SNTG1: variants seen among roughly 807,000 people sequenced by gnomAD.
The protein encoded by SNTG1 is gamma-1-syntrophin.
SNTG1 carries 39 observed loss-of-function variants against 74.7 expected under a neutral mutation model. That is an observed-to-expected ratio of 0.52 (90% CI 0.40 to 0.68). The LOEUF is 0.68. Among genes scored for constraint, SNTG1 ranks in the 30% least tolerant of loss-of-function variants. The probability of loss-of-function intolerance (pLI) is 0.00; values close to 1 mark genes in which losing one functional copy is unlikely to be tolerated. For synonymous variants in SNTG1, 254 were observed against 217.1 expected (o/e 1.17, Z -1.49); for missense variants, 685 against 609.5 (o/e 1.12, Z -1.30).
Position 50,053,677 on chromosome 8 carries a change from C to T in SNTG1, c.-102-118884C>T, listed in dbSNP as rs1586068323. 4.9e-5 allele frequency among the ~76,000 whole-genome samples: 6 copies of T among 121,704 alleles called. 1 individual carries two copies. The South Asian group carries it at 1.6e-3, about 33-fold the overall frequency. The allele number at this position is 121,704 out of a possible 152,430, so 79.8% of individuals were successfully genotyped here. On this transcript the variant is annotated intron_variant, in intron 1 of 18. Transcript: ENST00000642720. ...TGTGTGTATAATCCAGGATAGTATC[C>T]TGGATAGAATCCTGGATTGTTTAAG...
intron 17 of SNTG1, among the ~76,000 whole-genome samples, chr8:50,750,408 T>G (rs951753221): frequency 4.6e-5 from 7 of 152,014 alleles, no homozygotes. Flanking sequence ...GAATATTACA[T>G]TAATTTAGTT....
chr8:50,404,188 A>G (rs2092840963), intron 4 of SNTG1, among the ~76,000 whole-genome samples: 1 of 152,280 alleles, frequency 6.6e-6, no homozygotes, highest in East Asian at 1.9e-4. Context: ...TAAGTCAGAA[A>G]GACAATACAC....
At chr8:50,028,326 T>A (rs1022412150) in intron 1 of SNTG1, among the ~76,000 whole-genome samples, 3 of 152,136 alleles carry the variant, frequency 2.0e-5, no homozygotes, top group African/African-American at 7.2e-5. Context: ...TATTTCATGG[T>A]ATGGATGGTT....
intron 2 of SNTG1, among the ~76,000 whole-genome samples, chr8:50,343,819 A>G (rs2130952340): frequency 6.6e-6 from 1 of 152,382 alleles, no homozygotes; most frequent in East Asian, 1.9e-4. Flanking sequence ...ATAACTCAGA[A>G]AAAATGAGAT....
chr8:50,404,627 T>TC (rs2092848290), intron 4 of SNTG1, among the ~76,000 whole-genome samples: 1 of 129,218 alleles, frequency 7.7e-6, no homozygotes, highest in Non-Finnish European at 1.8e-5. Context: ...GTCAGTTAAG[T>TC]TTTTTTTTTT....
chr8:50,068,582 A>G (rs1821093448), intron 1 of SNTG1, among the ~76,000 whole-genome samples: 1 of 152,188 alleles, frequency 6.6e-6, no homozygotes, highest in Non-Finnish European at 1.5e-5. Flanking sequence ...TAGGTTTTCC[A>G]GTCGCATGGA....
chr8:50,786,896 T>G (rs941613476), intron 18 of SNTG1, among the ~76,000 whole-genome samples: 1 of 151,662 alleles, frequency 6.6e-6, no homozygotes, highest in African/African-American at 2.4e-5. Context: ...GAAGAAAACA[T>G]GGGATTAAAT....
At chr8:50,289,338 C>A (rs2088961050) in intron 2 of SNTG1, among the ~76,000 whole-genome samples, 1 of 152,132 alleles carries the variant, frequency 6.6e-6, no homozygotes, top group Non-Finnish European at 1.5e-5. Context: ...AATGCACAGA[C>A]TTAGGACAAA....
intron 1 of SNTG1, among the ~76,000 whole-genome samples, chr8:50,083,103 C>G (rs1382671815): frequency 6.6e-6 from 1 of 152,116 alleles, no homozygotes; most frequent in Non-Finnish European, 1.5e-5. Flanking sequence ...TGAGGGAGTC[C>G]TGGGACTAGT....
intron 18 of SNTG1, among the ~76,000 whole-genome samples, chr8:50,764,739 A>G (rs1585737690): frequency 6.6e-6 from 1 of 151,936 alleles, no homozygotes; most frequent in African/African-American, 2.4e-5. Context: ...CTGAAATAGA[A>G]CCACCACTCT....
intron 1 of SNTG1, among the ~76,000 whole-genome samples, chr8:49,936,684 C>T (rs554408369): frequency 6.6e-6 from 1 of 152,106 alleles, no homozygotes; most frequent in South Asian, 2.1e-4. Flanking sequence ...CTTTTTGTAC[C>T]CAAATGTTCA....
At chr8:50,613,377 C>T (rs112389943) in intron 13 of SNTG1, among the ~76,000 whole-genome samples, 4,841 of 152,212 alleles carry the variant, frequency 0.032, 119 homozygotes, top group African/African-American at 0.057. Flanking sequence ...ATGTATTTAT[C>T]ACCAGGAATG....
At chr8:50,740,111 G>C (rs1167048392) in intron 17 of SNTG1, among the ~76,000 whole-genome samples, 1 of 151,880 alleles carries the variant, frequency 6.6e-6, no homozygotes, top group Non-Finnish European at 1.5e-5. Flanking sequence ...CAAAAGCAAA[G>C]ATTGGAAAAT....
chr8:50,289,866 G>T (rs1251274954), intron 2 of SNTG1, among the ~76,000 whole-genome samples: 2 of 152,268 alleles, frequency 1.3e-5, no homozygotes, highest in Admixed American at 1.3e-4. Flanking sequence ...CCTTTGGGAT[G>T]TCTGTTTTTC....
chr8:50,081,642 TGG>T, intron 1 of SNTG1, among the ~76,000 whole-genome samples: 1 of 152,080 alleles, frequency 6.6e-6, no homozygotes, highest in African/African-American at 2.4e-5. Context: ...TGTTTTTGTT[TGG>T]TATTTTTTAG....
At chr8:50,337,586 T>A (rs1299593752) in intron 2 of SNTG1, among the ~76,000 whole-genome samples, 8 of 152,158 alleles carry the variant, frequency 5.3e-5, no homozygotes, top group African/African-American at 9.7e-5. Context: ...AGAACCCACC[T>A]AACATGGAAG....
chr8:50,402,481 A>T, intron 4 of SNTG1, 137 bp downstream of exon 4: 1 of 1,081,696 alleles, frequency 9.2e-7, no homozygotes, highest in Non-Finnish European at 1.3e-6. Flanking sequence ...TGCTTACATC[A>T]TTAAGTAATC....
rs183946142 is a variant in SNTG1, at chr8:50,199,870, A to T, written c.-28+27235A>T. 3.0e-4 allele frequency among the ~76,000 whole-genome samples: 46 copies of T among 152,276 alleles called. 2 individuals are homozygous for T. Among genetic ancestry groups the T allele is most frequent in the East Asian group, 2.1e-3 (11 of 5,178 alleles). ...GATCTGTAGGGAATATTGATTCTGA[A>T]GTGAATGACATGGATAAAGAAACAA... On this transcript the variant is annotated intron_variant, in intron 2 of 18. Coordinates refer to ENST00000642720, the MANE Select transcript of SNTG1 (RefSeq NM_018967.5).
At chr8:50,433,937 C>T (rs533702045) in intron 4 of SNTG1, among the ~76,000 whole-genome samples, 12 of 152,254 alleles carry the variant, frequency 7.9e-5, no homozygotes, top group Admixed American at 5.2e-4. Context: ...ATGTGCACAA[C>T]GTGCAGGTTT....
Sources: allele counts gnomAD v4.1 joint callset (sites outside exome capture counted in the v4.1 genomes callset), GRCh38; gene constraint gnomAD v4.1.1; transcripts MANE v1.5; gene names NCBI Gene and HGNC (gene_info 2026-07-23, HGNC 2026-07-21).